Variants in RIT2 observed in about 807,000 individuals in gnomAD.
RIT2 encodes Ras like without CAAX 2.
RIT2 carries 24 observed loss-of-function variants against 23.7 expected under a neutral mutation model. The observed-to-expected ratio is 1.01, with a 90% confidence interval of 0.73 to 1.43. The LOEUF is 1.43. Ranked by LOEUF, RIT2 falls within the 40% of genes most tolerant of loss-of-function variation. The probability of loss-of-function intolerance (pLI) is 0.00; values close to 1 mark genes in which losing one functional copy is unlikely to be tolerated. For missense variants in RIT2, 236 were observed against 266.9 expected, an observed-to-expected ratio of 0.88 and a Z score of 0.81; for synonymous variants, 107 against 91.1, an observed-to-expected ratio of 1.17 and a Z score of -0.99.
intron 2 of RIT2, among the ~76,000 whole-genome samples, chr18:42,981,584 C>A (rs1344402375): frequency 6.6e-6 from 1 of 151,516 alleles, no homozygotes; most frequent in African/African-American, 2.4e-5. Flanking sequence ...ATCATCATCC[C>A]AAAAGACACA....
At chr18:42,888,337 T>G (rs79143550) in intron 4 of RIT2, among the ~76,000 whole-genome samples, 3,975 of 151,918 alleles carry the variant, frequency 0.026, 165 homozygotes, top group African/African-American at 0.087. Context: ...TGTTTGTTTG[T>G]TTGGTTGGTT....
At chr18:43,102,892 G>A (rs1331756833) in intron 1 of RIT2, among the ~76,000 whole-genome samples, 3 of 152,080 alleles carry the variant, frequency 2.0e-5, no homozygotes, top group Non-Finnish European at 4.4e-5. Context: ...GGCCTCAAGT[G>A]ATCTGCCCAC....
intron 1 of RIT2, among the ~76,000 whole-genome samples, chr18:43,054,328 T>C (rs1912450654): frequency 6.6e-6 from 1 of 152,108 alleles, no homozygotes; most frequent in African/African-American, 2.4e-5. Flanking sequence ...AGGCAATTTA[T>C]AAATGTGTTA....
intron 4 of RIT2, among the ~76,000 whole-genome samples, chr18:42,857,414 T>C (rs1231977770): frequency 6.6e-6 from 1 of 152,202 alleles, no homozygotes; most frequent in Admixed American, 6.5e-5. Flanking sequence ...AGTTATTTGT[T>C]GGAAGATAAA....
intron 3 of RIT2, among the ~76,000 whole-genome samples, chr18:42,967,143 G>T (rs1910245278): frequency 6.6e-6 from 1 of 151,856 alleles, no homozygotes. Context: ...AGGATATAAA[G>T]AAATATATCC....
intron 2 of RIT2, among the ~76,000 whole-genome samples, chr18:43,024,294 CAT>C (rs1052644114): frequency 2.0e-5 from 3 of 152,086 alleles, no homozygotes; most frequent in African/African-American, 7.2e-5. Context: ...TCAAGGAAAA[CAT>C]ACACTGGAGA....
intron 4 of RIT2, among the ~76,000 whole-genome samples, chr18:42,777,690 T>G (rs1654866223): frequency 6.6e-6 from 1 of 152,170 alleles, no homozygotes; most frequent in South Asian, 2.1e-4. Flanking sequence ...TTTAGTAACA[T>G]AGCTTTAGAC....
chr18:42,775,628 C>A (rs1343716591), intron 4 of RIT2, among the ~76,000 whole-genome samples: 1 of 151,802 alleles, frequency 6.6e-6, no homozygotes, highest in Non-Finnish European at 1.5e-5. Flanking sequence ...ACCCGGGAGG[C>A]GGAGCTTGCA....
At chr18:42,919,857 T>G (rs1392660789) in intron 4 of RIT2, among the ~76,000 whole-genome samples, 1 of 152,080 alleles carries the variant, frequency 6.6e-6, no homozygotes. Context: ...CGGGCCTATC[T>G]CCTTCTATTC....
chr18:42,831,258 T>C (rs1431701477), intron 4 of RIT2, among the ~76,000 whole-genome samples: 1 of 152,238 alleles, frequency 6.6e-6, no homozygotes, highest in Admixed American at 6.5e-5. Flanking sequence ...TGCTTAGGAT[T>C]GTCTCAGTGT....
intron 4 of RIT2, among the ~76,000 whole-genome samples, chr18:42,870,839 T>C (rs184719435): frequency 2.0e-3 from 308 of 152,346 alleles, no homozygotes; most frequent in African/African-American, 6.9e-3. Flanking sequence ...GGAAATTCGC[T>C]TTTAGCAGTT....
chr18:42,904,445 A>G (rs189021414), intron 4 of RIT2, among the ~76,000 whole-genome samples: 25 of 152,242 alleles, frequency 1.6e-4, no homozygotes, highest in Admixed American at 1.5e-3. Flanking sequence ...AGTTTCCCAG[A>G]GAGGGGCATG....
intron 1 of RIT2, among the ~76,000 whole-genome samples, chr18:43,067,883 T>C (rs927849664): frequency 2.0e-5 from 3 of 152,130 alleles, no homozygotes; most frequent in African/African-American, 7.2e-5. Context: ...AGCAGAGAGT[T>C]CATTCAGATG....
intron 2 of RIT2, among the ~76,000 whole-genome samples, chr18:42,993,355 A>G (rs1910900518): frequency 6.6e-6 from 1 of 152,130 alleles, no homozygotes; most frequent in African/African-American, 2.4e-5. Context: ...GAAGACTGAC[A>G]CTGCCCGATT....
chr18:42,804,662 G>C (rs183254712), intron 4 of RIT2, among the ~76,000 whole-genome samples: 11 of 149,390 alleles, frequency 7.4e-5, no homozygotes, highest in African/African-American at 2.7e-4. Context: ...CACAATAAAT[G>C]ATTAACTCAT....
intron 1 of RIT2, among the ~76,000 whole-genome samples, chr18:43,080,004 G>A (rs1011832205): frequency 4.5e-4 from 68 of 152,220 alleles, no homozygotes; most frequent in East Asian, 2.9e-3. Flanking sequence ...TAAGATGTTC[G>A]TTAATTTTTG....
intron 4 of RIT2, among the ~76,000 whole-genome samples, chr18:42,919,719 A>C (rs1220480595): frequency 3.3e-5 from 5 of 152,056 alleles, no homozygotes; most frequent in Non-Finnish European, 7.4e-5. Context: ...ATCTCAAAAA[A>C]AAAAAAGTTT....
chr18:43,081,920 C>T (rs1321429338), intron 1 of RIT2, among the ~76,000 whole-genome samples: 3 of 152,040 alleles, frequency 2.0e-5, no homozygotes, highest in Non-Finnish European at 4.4e-5. Flanking sequence ...TTCCTGACTA[C>T]TTACATCAAA....
chr18:42,782,842 T>C (rs1052360654), intron 4 of RIT2, among the ~76,000 whole-genome samples: 3 of 152,008 alleles, frequency 2.0e-5, no homozygotes, highest in Non-Finnish European at 2.9e-5. Flanking sequence ...CAGAATCTTA[T>C]ATATACTGGG....
Sources: gnomAD v4.1 joint callset for allele counts (sites outside exome capture counted in the v4.1 genomes callset) on GRCh38, gnomAD v4.1.1 for gene constraint, MANE v1.5 for transcripts, NCBI Gene and HGNC (gene_info 2026-07-23, HGNC 2026-07-21) for gene names.